The following FAM107B variants were observed in gnomAD, a reference collection of about 807,000 sequenced individuals.
FAM107B encodes family with sequence similarity 107 member B, also known as protein FAM107B.
In FAM107B, 21 loss-of-function variants were observed where a neutral mutation model predicts 31.5. The observed-to-expected ratio is 0.67, with a 90% CI of 0.47 to 0.96. The LOEUF (loss-of-function observed/expected upper bound fraction) is 0.96. Among genes scored for constraint, FAM107B ranks in the 40% least tolerant of loss-of-function variants. The pLI is 0.00. For missense variants in FAM107B, 452 were observed against 377.1 expected (o/e 1.20, Z -1.64); for synonymous variants, 157 against 141.5 (o/e 1.11, Z -0.78).
At chr10:14,689,921 A>C (rs1855086811) in intron 1 of FAM107B, among the ~76,000 whole-genome samples, 1 of 151,900 alleles carries the variant, frequency 6.6e-6, no homozygotes, top group Non-Finnish European at 1.5e-5. Flanking sequence ...CTGAGCTCGC[A>C]CCACAGCACT....
At chr10:14,762,454 A>G (rs1165509275) in intron 1 of FAM107B, among the ~76,000 whole-genome samples, 2 of 152,158 alleles carry the variant, frequency 1.3e-5, no homozygotes, top group Non-Finnish European at 2.9e-5. Flanking sequence ...CACTTGTGAG[A>G]ACAACAGTAT....
chr10:14,635,158 AG>A (rs964827257), intron 2 of FAM107B, among the ~76,000 whole-genome samples: 1 of 151,020 alleles, frequency 6.6e-6, no homozygotes, highest in Non-Finnish European at 1.5e-5. Flanking sequence ...AGGGAGGGGA[AG>A]AAAAAGAAAC....
intron 1 of FAM107B, among the ~76,000 whole-genome samples, chr10:14,683,002 G>T (rs1009520975): frequency 1.3e-5 from 2 of 152,216 alleles, no homozygotes; most frequent in Non-Finnish European, 2.9e-5. Context: ...GCAAAGCATT[G>T]TCAGAGAAAC....
At chr10:14,726,701 A>G (rs986425334) in intron 1 of FAM107B, among the ~76,000 whole-genome samples, 4 of 152,226 alleles carry the variant, frequency 2.6e-5, no homozygotes, top group East Asian at 1.9e-4. Context: ...TGACTTTTCC[A>G]TGTTTCCCAA....
intron 1 of FAM107B, among the ~76,000 whole-genome samples, chr10:14,744,137 T>G (rs1832680089): frequency 6.6e-6 from 1 of 152,234 alleles, no homozygotes; most frequent in African/African-American, 2.4e-5. Flanking sequence ...ATTCATGATT[T>G]GGCTCTCTGC....
chr10:14,767,055 T>TATATAGAGAG lies in FAM107B; in HGVS notation c.411+7197_411+7198insCTCTCTATAT, dbSNP rs1440609298. On this transcript the variant is annotated intron_variant, in intron 1 of 4. Transcript: ENST00000181796. The stretch of plus-strand genomic sequence containing the variant: ...ATATATATATATATATATATATATA[T>TATATAGAGAG]AGAGAGAGAGAGAGAGAGAGAGAGA... Among the ~76,000 whole-genome samples the TATATAGAGAG allele has an allele frequency of 1.1e-3, 21 of 18,274 alleles. 1 individual carries two copies. The highest frequency in any genetic ancestry group is 3.9e-3 in the East Asian group (1 of 258). 12.0% of individuals were successfully genotyped at this position (18,274 alleles called of 152,430 possible). A position where few individuals can be genotyped will look rare whatever the true frequency, so the allele number is the denominator to read the frequency against.
chr10:14,583,368 G>A (rs1292833596), intron 2 of FAM107B, among the ~76,000 whole-genome samples: 1 of 152,090 alleles, frequency 6.6e-6, no homozygotes, highest in African/African-American at 2.4e-5. Context: ...ATACTGCAGG[G>A]AAAGTAGCTG....
At chr10:14,705,494 G>A (rs573579237) in intron 1 of FAM107B, among the ~76,000 whole-genome samples, 35 of 152,190 alleles carry the variant, frequency 2.3e-4, no homozygotes, top group African/African-American at 8.4e-4. Context: ...GATAAACAAA[G>A]TGTGGTCTAG....
chr10:14,718,043 C>T (rs1855820394), intron 1 of FAM107B, among the ~76,000 whole-genome samples: 1 of 152,054 alleles, frequency 6.6e-6, no homozygotes. Flanking sequence ...TATATTGAAT[C>T]TCACCAGGCA....
At chr10:14,558,307 A>G (rs957294441) in intron 2 of FAM107B, among the ~76,000 whole-genome samples, 3 of 151,342 alleles carry the variant, frequency 2.0e-5, no homozygotes, top group South Asian at 2.1e-4. Context: ...GCACACACGC[A>G]CACACACTCT....
chr10:14,712,738 A>T (rs534006190), intron 1 of FAM107B, among the ~76,000 whole-genome samples: 112 of 152,280 alleles, frequency 7.4e-4, no homozygotes, highest in African/African-American at 2.6e-3. Context: ...AAACAACATA[A>T]CATGGTCAGA....
chr10:14,747,095 C>A (rs1316443489), intron 1 of FAM107B, among the ~76,000 whole-genome samples: 3 of 152,088 alleles, frequency 2.0e-5, no homozygotes. Flanking sequence ...GCTATTGATA[C>A]TTGTGGTTGC....
intron 1 of FAM107B, among the ~76,000 whole-genome samples, chr10:14,759,620 C>T (rs1375368708): frequency 1.3e-5 from 2 of 152,126 alleles, no homozygotes; most frequent in African/African-American, 2.4e-5. Context: ...TGCCTGGCAC[C>T]TAGAGGGCAT....
intron 2 of FAM107B, chr10:14,554,057 CCA>C: frequency 1.0e-6 from 1 of 968,268 alleles, no homozygotes; most frequent in Non-Finnish European, 1.2e-6. Flanking sequence ...AGGCTCACTG[CCA>C]CACATATGTC....
chr10:14,556,605 G>A lies in FAM107B; in HGVS notation c.470-26090C>T, dbSNP rs1188182443. 3.9e-5 allele frequency among the ~76,000 whole-genome samples: 6 copies of A among 152,198 alleles called. No individual in the cohort carries two copies. The East Asian group carries it at 1.2e-3, about 29-fold the overall frequency. On this transcript the variant is annotated intron_variant, in intron 2 of 4. Transcript: ENST00000181796. ...ACTTGAGATCTCCCTGGTCCATCTA[G>A]GCCACAAGCCACACCTGGCTTCACA... is the stretch of plus-strand genomic sequence containing the variant.
intron 2 of FAM107B, among the ~76,000 whole-genome samples, chr10:14,587,664 G>A (rs1373225325): frequency 6.6e-6 from 1 of 152,162 alleles, no homozygotes; most frequent in African/African-American, 2.4e-5. Flanking sequence ...CTAGCAACTA[G>A]GAAGTTTTGT....
chr10:14,534,858 A>AC (rs1479956474), intron 2 of FAM107B: 1 of 152,060 alleles, frequency 6.6e-6, no homozygotes, highest in Non-Finnish European at 1.5e-5. Flanking sequence ...TATTCTTTTG[A>AC]CCCCTTGGAC....
intron 2 of FAM107B, among the ~76,000 whole-genome samples, chr10:14,576,503 G>C (rs1335938576): frequency 6.7e-6 from 1 of 150,162 alleles, no homozygotes; most frequent in African/African-American, 2.5e-5. Context: ...CTCCAGCCTA[G>C]GCAACAGTGC....
chr10:14,558,768 T>A (rs1032569178), intron 2 of FAM107B, among the ~76,000 whole-genome samples: 4 of 152,148 alleles, frequency 2.6e-5, no homozygotes, highest in Non-Finnish European at 4.4e-5. Context: ...CTGGATTTTA[T>A]AAAACACAAC....
Sources: gnomAD v4.1 joint callset for allele counts (sites outside exome capture counted in the v4.1 genomes callset) on GRCh38, gnomAD v4.1.1 for gene constraint, MANE v1.5 for transcripts, NCBI Gene and HGNC (gene_info 2026-07-23, HGNC 2026-07-21) for gene names.